The following RNF4 variants were observed in gnomAD, a reference collection of about 807,000 sequenced individuals.
RNF4 encodes the protein E3 ubiquitin-protein ligase RNF4.
In RNF4, 7 loss-of-function variants were observed where a neutral mutation model predicts 24.3. The observed-to-expected ratio is 0.29, with a 90% CI of 0.16 to 0.54. RNF4 has a LOEUF of 0.54. Ranked by LOEUF, RNF4 falls within the 20% of genes least tolerant of loss-of-function variation. The pLI is 0.95. For synonymous variants in RNF4, 83 were observed against 84.3 expected (o/e 0.98, Z 0.09); for missense variants, 209 against 248.5 (o/e 0.84, Z 1.07).
intron 1 of RNF4, among the ~76,000 whole-genome samples, chr4:2,490,104 G>T (rs1735536388): frequency 6.6e-6 from 1 of 152,144 alleles, no homozygotes; most frequent in African/African-American, 2.4e-5. Flanking sequence ...GCAGGAGCCA[G>T]GAAGAAGAGT....
intron 2 of RNF4, chr4:2,490,795 C>T (rs898769532): frequency 6.9e-6 from 2 of 288,272 alleles, no homozygotes; most frequent in African/African-American, 4.3e-5. Flanking sequence ...AATACTAAAA[C>T]TTTTTGCTTT....
chr4:2,514,154 C>G lies in RNF4; in HGVS notation c.*335C>G, dbSNP rs984883102. On this transcript the variant is annotated 3_prime_UTR_variant, in exon 8 of 8. Coordinates refer to ENST00000314289, the MANE Select transcript of RNF4 (RefSeq NM_002938.5). ...AATTTTCCCTGTTTGGAAAGTTTGC[C>G]CCAGCTTTCCCGGGCACACCACCTT... 3 of 281,708 alleles carry G rather than the reference C, an allele frequency of 1.1e-5. No individual in the cohort carries two copies. The highest frequency in any genetic ancestry group is 6.4e-5 in the African/African-American group (3 of 46,554). The allele number at this position is 281,708 out of a possible 1,614,324, so 17.5% of individuals were successfully genotyped here.
At chr4:2,502,447 A>C (rs561316409) in intron 4 of RNF4, among the ~76,000 whole-genome samples, 1 of 152,132 alleles carries the variant, frequency 6.6e-6, no homozygotes, top group South Asian at 2.1e-4. Context: ...GCACTTTGGG[A>C]GGCCGAGGTG....
chr4:2,503,895 C>T (rs1440337555), intron 4 of RNF4, among the ~76,000 whole-genome samples: 3 of 152,152 alleles, frequency 2.0e-5, no homozygotes, highest in Non-Finnish European at 4.4e-5. Context: ...ATATAGGAAT[C>T]CCTGGATACC....
intron 1 of RNF4, among the ~76,000 whole-genome samples, chr4:2,472,733 A>G (rs530568685): frequency 6.6e-6 from 1 of 152,222 alleles, no homozygotes; most frequent in South Asian, 2.1e-4. Flanking sequence ...AGGATATACT[A>G]TTCTAGATAC....
intron 1 of RNF4, among the ~76,000 whole-genome samples, chr4:2,478,390 T>TG (rs1433768226): frequency 1.3e-5 from 2 of 152,134 alleles, no homozygotes; most frequent in Non-Finnish European, 2.9e-5. Context: ...CCCAAGACAG[T>TG]GGGGGGAAAT....
chr4:2,486,113 T>G (rs1001070791), intron 1 of RNF4, among the ~76,000 whole-genome samples: 29 of 152,342 alleles, frequency 1.9e-4, no homozygotes, highest in African/African-American at 6.7e-4. Flanking sequence ...GTTCCTTAAC[T>G]TTAATCCTTA....
At position 2,512,146 on chromosome 4, in the gene RNF4, A is replaced by G; in HGVS notation, c.214+181A>G. On this transcript the variant is annotated intron_variant, in intron 5 of 7. Coordinates refer to ENST00000314289, the MANE Select transcript of RNF4 (RefSeq NM_002938.5). This position sits in a 1 kb window ranked among gnomAD's most constrained non-coding sequence, Gnocchi z 4.1. ...CCAGTCCCCCTTGTGCCTGCTGAAG[A>G]AACTTCACCACTATCATTGAGCACT... 3.1e-6 allele frequency: 2 copies of G among 654,392 alleles called. No individual in the cohort carries two copies. The allele number at this position is 654,392 out of a possible 1,614,324, so 40.5% of individuals were successfully genotyped here. A position where few individuals can be genotyped will look rare whatever the true frequency, so the allele number is the denominator to read the frequency against.
rs763856219 is a variant in RNF4 at position 2,490,357 on chromosome 4, C to T, written c.-137C>T. ...TTCAGGACTTGAAAATACTGGAAAT[C>T]TGTCCGGATCCAAATTATTTTGCAA... is the stretch of plus-strand genomic sequence containing the variant. On this transcript the variant is annotated 5_prime_UTR_variant, in exon 2 of 8. Transcript: ENST00000314289. The T allele has an allele frequency of 2.8e-6, 2 of 727,044 alleles. No homozygotes were observed. Among genetic ancestry groups the T allele is most frequent in the Non-Finnish European group, 4.5e-6 (2 of 442,102 alleles). The allele number at this position is 727,044 out of a possible 1,614,324, so 45.0% of individuals were successfully genotyped here.
chr4:2,500,776 T>C, intron 4 of RNF4, 38 bp downstream of exon 4: 1 of 1,599,368 alleles, frequency 6.3e-7, no homozygotes, highest in Non-Finnish European at 8.6e-7. Flanking sequence ...GTTTCTTGGG[T>C]ATGGGTCCCT....
intron 1 of RNF4, among the ~76,000 whole-genome samples, chr4:2,478,519 G>C (rs910903639): frequency 1.3e-5 from 2 of 152,232 alleles, no homozygotes; most frequent in Non-Finnish European, 2.9e-5. Context: ...GTGCAGCCTA[G>C]GGGCCTGGTG....
intron 2 of RNF4, among the ~76,000 whole-genome samples, chr4:2,494,373 C>CTTTTTT (rs753327529): frequency 2.0e-5 from 2 of 98,230 alleles, no homozygotes; most frequent in Non-Finnish European, 4.1e-5. Flanking sequence ...CAACTTAGAA[C>CTTTTTT]TTTTTTTTTT....
intron 4 of RNF4, among the ~76,000 whole-genome samples, chr4:2,507,774 T>C (rs1306179551): frequency 2.2e-4 from 33 of 152,226 alleles, no homozygotes; most frequent in Non-Finnish European, 2.9e-5. Flanking sequence ...CTAAATGCTC[T>C]GACCTATGGA....
In RNF4 at chr4:2,469,139, C is replaced by G. The variant is rs1734804506; in HGVS notation, c.-277C>G. 6.6e-6 allele frequency: 1 copy of G among 152,232 alleles called. No homozygotes were observed. Among genetic ancestry groups the G allele is most frequent in the Non-Finnish European group, 1.5e-5 (1 of 68,076 alleles). 9.4% of individuals were successfully genotyped at this position (152,232 alleles called of 1,614,324 possible). A position where few individuals can be genotyped will look rare whatever the true frequency, so the allele number is the denominator to read the frequency against. On this transcript the variant is annotated 5_prime_UTR_variant, in exon 1 of 8. It adds an upstream start codon to the 5' untranslated region. Coordinates refer to ENST00000314289, the MANE Select transcript of RNF4 (RefSeq NM_002938.5). ...TGGGTTGCTGTTGAGGCGGCGGCAT[C>G]TTTCTCGAGGAGCTCTCCTGGGCGG...
Position 2,512,111 on chromosome 4 carries a change from AC to A in RNF4, c.214+149del, listed in dbSNP as rs1001688136. 1.4e-6 allele frequency: 1 copy of A among 729,786 alleles called. No homozygotes were observed. Among genetic ancestry groups the A allele is most frequent in the African/African-American group, 1.8e-5 (1 of 56,294 alleles). The allele number at this position is 729,786 out of a possible 1,614,324, so 45.2% of individuals were successfully genotyped here. A position where few individuals can be genotyped will look rare whatever the true frequency, so the allele number is the denominator to read the frequency against. On this transcript the variant is annotated intron_variant, in intron 5 of 7. Coordinates refer to ENST00000314289, the MANE Select transcript of RNF4 (RefSeq NM_002938.5). The surrounding 1 kb of genome is among the most constrained non-coding windows in gnomAD (Gnocchi z 4.1). ...ATGCCTTCGCAGATGCTGTGGTCAG[AC>A]CCACACAGCCAGTCCCCCTTGTGCC...
At chr4:2,479,544 G>A (rs1041138274) in intron 1 of RNF4, among the ~76,000 whole-genome samples, 1 of 152,118 alleles carries the variant, frequency 6.6e-6, no homozygotes, top group Admixed American at 6.6e-5. Context: ...TTTTATAAGG[G>A]GGAGTTTCCG....
chr4:2,513,507 C>G (rs1736327329), intron 7 of RNF4, among the ~76,000 whole-genome samples, 163 bp from the exon 8 acceptor site: 1 of 152,202 alleles, frequency 6.6e-6, no homozygotes, highest in Admixed American at 6.5e-5. Context: ...CTGAGAGAGA[C>G]CACAGCAGAC....
rs1183653821 is a variant in RNF4 at position 2,513,996 on chromosome 4, C to T, written c.*177C>T. The T allele has an allele frequency of 6.0e-6, 5 of 833,456 alleles. No homozygotes were observed. The highest frequency in any genetic ancestry group is 5.1e-5 in the African/African-American group (3 of 58,568). The allele number at this position is 833,456 out of a possible 1,614,324, so 51.6% of individuals were successfully genotyped here. A position where few individuals can be genotyped will look rare whatever the true frequency, so the allele number is the denominator to read the frequency against. ...TGTTATCTCCAGTTTGATGCTATGGCGCTGGACCCAGGGCCCTCCCAGGCC... is the reference window on the plus strand; with the variant it reads ...TGTTATCTCCAGTTTGATGCTATGGTGCTGGACCCAGGGCCCTCCCAGGCC... On this transcript the variant is annotated 3_prime_UTR_variant, in exon 8 of 8. Coordinates refer to ENST00000314289, the MANE Select transcript of RNF4 (RefSeq NM_002938.5).
At chr4:2,488,702 G>C (rs1259055782) in intron 1 of RNF4, among the ~76,000 whole-genome samples, 1 of 152,176 alleles carries the variant, frequency 6.6e-6, no homozygotes, top group East Asian at 1.9e-4. Context: ...ACACCATTAA[G>C]GTAGGTGCAG....
Sources: allele counts gnomAD v4.1 joint callset (sites outside exome capture counted in the v4.1 genomes callset), GRCh38; gene constraint gnomAD v4.1.1; non-coding constraint Gnocchi (gnomAD v3.1); transcripts MANE v1.5; gene names NCBI Gene and HGNC (gene_info 2026-07-23, HGNC 2026-07-21).